The following INSL6 variants were observed in gnomAD, a reference collection of about 807,000 sequenced individuals.
INSL6 encodes the protein insulin like 6, also known as insulin-like peptide INSL6.
In INSL6, 16 loss-of-function variants were observed where a neutral mutation model predicts 9.4. The observed-to-expected ratio is 1.70, with a 90% CI of 1.15 to 2.59. The LOEUF (loss-of-function observed/expected upper bound fraction) is 2.59. INSL6 is among the 30% of genes most tolerant of loss of function. The pLI, the probability that INSL6 is intolerant of heterozygous loss-of-function variation, is 0.00. For missense variants in INSL6, 391 were observed against 257.3 expected (o/e 1.52, Z -3.56); for synonymous variants, 154 against 96.9 (o/e 1.59, Z -3.46).
chr9:5,179,380 A>G (rs1434770187), intron 1 of INSL6, among the ~76,000 whole-genome samples: 1 of 152,184 alleles, frequency 6.6e-6, no homozygotes, highest in Non-Finnish European at 1.5e-5. Flanking sequence ...GGTTGTGGAG[A>G]AAAAGGAACA....
At chr9:5,141,945 T>C (rs1824509355) in intron 2 of INSL6, among the ~76,000 whole-genome samples, 1 of 152,228 alleles carries the variant, frequency 6.6e-6, no homozygotes. Context: ...GCTAGCAAGT[T>C]ATCCCAGGAG....
At chr9:5,138,926 C>T (rs866075889) in intron 2 of INSL6, among the ~76,000 whole-genome samples, 2 of 151,768 alleles carry the variant, frequency 1.3e-5, no homozygotes, top group Admixed American at 6.6e-5. Context: ...TATAATAATC[C>T]TCTCAAGAAA....
intron 3 of INSL6, among the ~76,000 whole-genome samples, chr9:5,128,492 A>G (rs1341789495): frequency 1.3e-5 from 2 of 151,886 alleles, no homozygotes; most frequent in Non-Finnish European, 3.0e-5. Flanking sequence ...ATCATACAAT[A>G]TGCTTGATTT....
At chr9:5,095,951 T>C in the INSL6 span, among the ~76,000 whole-genome samples, 1 of 152,320 alleles carries the variant, frequency 6.6e-6, no homozygotes, top group Admixed American at 6.5e-5. Context: ...TTAACACCTA[T>C]AGTTTCACTA....
chr9:5,084,173 T>C, the INSL6 span, among the ~76,000 whole-genome samples: 1 of 152,154 alleles, frequency 6.6e-6, no homozygotes, highest in South Asian at 2.1e-4. Context: ...CAATGAAATA[T>C]ATTTCTTAGT....
the INSL6 span, chr9:5,044,263 A>T: frequency 3.4e-6 from 2 of 589,740 alleles, no homozygotes; most frequent in Non-Finnish European, 6.0e-6. Context: ...CTTTTGTCTC[A>T]CATTTATATT....
At chr9:5,012,535 A>C in the INSL6 span, among the ~76,000 whole-genome samples, 1 of 152,130 alleles carries the variant, frequency 6.6e-6, no homozygotes, top group Non-Finnish European at 1.5e-5. Flanking sequence ...GATTTTTCTG[A>C]ACTTCTCATT....
intron 1 of INSL6, among the ~76,000 whole-genome samples, chr9:5,177,680 C>G (rs7022901): frequency 0.38 from 57,859 of 151,676 alleles, 12,478 homozygotes; most frequent in African/African-American, 0.61. Flanking sequence ...ATTCCAGCCA[C>G]CCAAAGCAAA....
At chr9:5,022,263 TTATGC>T in the INSL6 span, 3 of 1,285,446 alleles carry the variant, frequency 2.3e-6, no homozygotes, top group Non-Finnish European at 3.4e-6. Flanking sequence ...ATTGTTTTAA[TTATGC>T]TATGCTAATA....
chr9:5,088,116 A>C, the INSL6 span, among the ~76,000 whole-genome samples: 53 of 152,314 alleles, frequency 3.5e-4, no homozygotes, highest in Non-Finnish European at 6.8e-4. Flanking sequence ...ATTATTCTCC[A>C]CTTTAAGGAT....
the INSL6 span, among the ~76,000 whole-genome samples, chr9:5,096,153 T>C: frequency 6.6e-6 from 1 of 152,150 alleles, no homozygotes; most frequent in African/African-American, 2.4e-5. Context: ...CATCCAATAA[T>C]ACGAAAATAA....
chr9:5,013,538 T>A, the INSL6 span, among the ~76,000 whole-genome samples: 45 of 152,200 alleles, frequency 3.0e-4, no homozygotes, highest in Non-Finnish European at 1.0e-4. Context: ...ATCTGAACCT[T>A]CCAATCCAGC....
At chr9:5,015,050 A>G in the INSL6 span, among the ~76,000 whole-genome samples, 2 of 152,120 alleles carry the variant, frequency 1.3e-5, no homozygotes, top group Non-Finnish European at 2.9e-5. Context: ...AGTTTTCTAT[A>G]ATTTACTGCT....
At chr9:5,070,001 T>A in the INSL6 span, 1 of 1,608,624 alleles carries the variant, frequency 6.2e-7, no homozygotes. Context: ...AGAGGCCTAC[T>A]CATATGAACC....
At chr9:5,182,464 G>C (rs1212079782) in intron 1 of INSL6, among the ~76,000 whole-genome samples, 1 of 152,056 alleles carries the variant, frequency 6.6e-6, no homozygotes, top group Non-Finnish European at 1.5e-5. Flanking sequence ...ATTTACTTAT[G>C]TTAATTGTCT....
intron 3 of INSL6, among the ~76,000 whole-genome samples, chr9:5,130,320 G>A (rs184418732): frequency 6.6e-6 from 1 of 152,152 alleles, no homozygotes; most frequent in East Asian, 1.9e-4. Context: ...TATTTATTGA[G>A]GTAAAGTAAA....
the INSL6 span, chr9:5,064,887 T>C: frequency 1.3e-4 from 197 of 1,571,762 alleles, no homozygotes; most frequent in Non-Finnish European, 1.6e-4. Flanking sequence ...GCTTAGGAAA[T>C]TGAACTTAGC....
intron 1 of INSL6, among the ~76,000 whole-genome samples, chr9:5,178,459 C>A (rs150872818): frequency 1.3e-5 from 2 of 152,348 alleles, no homozygotes; most frequent in Admixed American, 1.3e-4. Flanking sequence ...TTACTCTTCA[C>A]TGGGCAGGAC....
At chr9:5,068,948 T>C in the INSL6 span, 6 of 814,708 alleles carry the variant, frequency 7.4e-6, no homozygotes, top group East Asian at 1.3e-4. Context: ...TCTTGTGATA[T>C]CATTTTGTCA....
Sources: gnomAD v4.1 joint callset for allele counts (sites outside exome capture counted in the v4.1 genomes callset) on GRCh38, gnomAD v4.1.1 for gene constraint, MANE v1.5 for transcripts, NCBI Gene and HGNC (gene_info 2026-07-23, HGNC 2026-07-21) for gene names.